SEC22A: variants seen among roughly 807,000 people sequenced by gnomAD.
The protein encoded by SEC22A is SEC22 homolog A, vesicle trafficking protein, also known as vesicle-trafficking protein SEC22a.
SEC22A carries 22 observed loss-of-function variants against 35.3 expected under a neutral mutation model. That is an observed-to-expected ratio of 0.62 (90% CI 0.45 to 0.89). The LOEUF is 0.89. Among genes scored for constraint, SEC22A ranks in the 40% least tolerant of loss-of-function variants. The probability of loss-of-function intolerance (pLI) is 0.00; values close to 1 mark genes in which losing one functional copy is unlikely to be tolerated. For synonymous variants in SEC22A, 119 were observed against 129.5 expected (o/e 0.92, Z 0.55); for missense variants, 354 against 362.5 (o/e 0.98, Z 0.19).
At chr3:123,250,562 T>C (rs989234713) in intron 5 of SEC22A, among the ~76,000 whole-genome samples, 1 of 152,184 alleles carries the variant, frequency 6.6e-6, no homozygotes, top group African/African-American at 2.4e-5. Context: ...AAGCAGTGGA[T>C]TGGGCCTTCT....
intron 1 of SEC22A, among the ~76,000 whole-genome samples, chr3:123,203,601 C>T (rs1936796586): frequency 6.6e-6 from 1 of 152,024 alleles, no homozygotes; most frequent in South Asian, 2.1e-4. Flanking sequence ...GATGGTGGAG[C>T]CAGGATTAGA....
At position 123,261,697 on chromosome 3, in the gene SEC22A, G is replaced by C. The variant is rs74387314; in HGVS notation, c.723+2108G>C. ...AGAATGTATTGAGCTCTTATTTTGTGTTAAGCCTTTTATAGTCATTGTACC... is the reference window on the plus strand; with the variant it reads ...AGAATGTATTGAGCTCTTATTTTGTCTTAAGCCTTTTATAGTCATTGTACC... On this transcript the variant is annotated intron_variant, in intron 6 of 6. Coordinates refer to ENST00000492595, the MANE Select transcript of SEC22A (RefSeq NM_012430.5). 3.2e-3 allele frequency among the ~76,000 whole-genome samples: 485 copies of C among 152,252 alleles called. 2 individuals carry two copies. The highest frequency in any genetic ancestry group is 0.01 in the African/African-American group (436 of 41,546).
chr3:123,245,177 A>G (rs1194264881), intron 4 of SEC22A, among the ~76,000 whole-genome samples: 1 of 152,198 alleles, frequency 6.6e-6, no homozygotes, highest in Non-Finnish European at 1.5e-5. Context: ...AGTTTTGCTT[A>G]AAAGTAAGCT....
chr3:123,250,942 A>C (rs186523464), intron 5 of SEC22A, among the ~76,000 whole-genome samples: 1 of 152,212 alleles, frequency 6.6e-6, no homozygotes, highest in Non-Finnish European at 1.5e-5. Context: ...ATTTATGTGT[A>C]TCTTTTTATA....
chr3:123,235,020 C>CA (rs535445052), intron 4 of SEC22A, among the ~76,000 whole-genome samples: 6,685 of 121,558 alleles, frequency 0.055, 313 homozygotes, highest in East Asian at 0.15. Context: ...GACCTTGTCT[C>CA]AAAAAAAAAA....
intron 3 of SEC22A, 141 bp downstream of exon 3, chr3:123,223,863 T>C: frequency 1.6e-6 from 1 of 612,832 alleles, no homozygotes. Flanking sequence ...TAAATTATGG[T>C]AACTTTTTAC....
intron 1 of SEC22A, among the ~76,000 whole-genome samples, chr3:123,203,053 CT>C (rs779433710): frequency 0.012 from 534 of 43,652 alleles, no homozygotes; most frequent in East Asian, 0.04. Context: ...TGTTTAGTGC[CT>C]TTTTTTTTTT....
At chr3:123,217,186 A>T (rs760151733) in intron 2 of SEC22A, among the ~76,000 whole-genome samples, 1 of 150,356 alleles carries the variant, frequency 6.7e-6, no homozygotes, top group Non-Finnish European at 1.5e-5. Flanking sequence ...TCAATGTGGA[A>T]GGCTCTATTC....
chr3:123,229,875 A>AATAAT (rs1553710288), intron 4 of SEC22A, among the ~76,000 whole-genome samples: 66 of 150,964 alleles, frequency 4.4e-4, no homozygotes, highest in African/African-American at 1.5e-3. Context: ...AAAAAAAAAT[A>AATAAT]AATAATAATA....
chr3:123,203,054 T>C (rs4432576), intron 1 of SEC22A, among the ~76,000 whole-genome samples: 5,659 of 54,154 alleles, frequency 0.1, 374 homozygotes, highest in South Asian at 0.17. Context: ...GTTTAGTGCC[T>C]TTTTTTTTTT....
At chr3:123,267,343 C>T (rs1336415244) in intron 6 of SEC22A, among the ~76,000 whole-genome samples, 1 of 147,846 alleles carries the variant, frequency 6.8e-6, no homozygotes, top group Non-Finnish European at 1.5e-5. Context: ...ATTTCCATTT[C>T]AGTTTATCTG....
intron 4 of SEC22A, among the ~76,000 whole-genome samples, chr3:123,241,231 A>G (rs894598834): frequency 2.0e-4 from 30 of 152,234 alleles, no homozygotes; most frequent in African/African-American, 7.2e-4. Context: ...GTAAGAAGGA[A>G]GACTCAGGTC....
At position 123,234,936 on chromosome 3, in the gene SEC22A, C is replaced by T. The variant is rs147979859; in HGVS notation, c.541+9639C>T. Among the ~76,000 whole-genome samples the T allele has an allele frequency of 7.7e-3, 1,170 of 151,250 alleles. 12 individuals are homozygous for T. The highest frequency in any genetic ancestry group is 0.024 in the African/African-American group (973 of 41,150). ...TACTCGGGAGGCTGAGGTGGGAGGA[C>T]GGCTTGAGCCTAGGAGGCGGAGGTT... On this transcript the variant is annotated intron_variant, in intron 4 of 6. Transcript: ENST00000492595.
At chr3:123,242,747 G>T (rs6785921) in intron 4 of SEC22A, among the ~76,000 whole-genome samples, 29,834 of 152,042 alleles carry the variant, frequency 0.2, 3,025 homozygotes, top group Middle Eastern at 0.28. Flanking sequence ...AATCTTAATT[G>T]ACAGATGAGA....
chr3:123,225,473 C>T (rs369074354), intron 4 of SEC22A, among the ~76,000 whole-genome samples, 176 bp downstream of exon 4: 4 of 152,050 alleles, frequency 2.6e-5, no homozygotes, highest in African/African-American at 4.8e-5. Flanking sequence ...TGTGACTAAT[C>T]GGGAAAATAC....
chr3:123,209,507 C>G, intron 2 of SEC22A, 108 bp downstream of exon 2: 1 of 827,560 alleles, frequency 1.2e-6, no homozygotes, highest in Non-Finnish European at 1.9e-6. Context: ...CTGTTCAAGT[C>G]GAGCATCATA....
chr3:123,247,598 A>T (rs1363044712), intron 5 of SEC22A, among the ~76,000 whole-genome samples: 1 of 152,210 alleles, frequency 6.6e-6, no homozygotes, highest in Non-Finnish European at 1.5e-5. Context: ...GCAACAGGCT[A>T]AAACCTACCT....
chr3:123,251,509 C>A (rs991704076), intron 5 of SEC22A, among the ~76,000 whole-genome samples: 1 of 152,150 alleles, frequency 6.6e-6, no homozygotes, highest in Non-Finnish European at 1.5e-5. Context: ...GTTCCCTTAG[C>A]ACTTAAAGTC....
intron 6 of SEC22A, among the ~76,000 whole-genome samples, chr3:123,271,259 A>G (rs774960256): frequency 3.3e-5 from 5 of 152,234 alleles, no homozygotes; most frequent in African/African-American, 7.2e-5. Context: ...AAGTCATTCC[A>G]TTGTACTTCC....
Sources: gnomAD v4.1 joint callset for allele counts (sites outside exome capture counted in the v4.1 genomes callset) on GRCh38, gnomAD v4.1.1 for gene constraint, MANE v1.5 for transcripts, NCBI Gene and HGNC (gene_info 2026-07-23, HGNC 2026-07-21) for gene names.